The following DPY19L3 variants were observed in gnomAD, a reference collection of about 807,000 sequenced individuals.
DPY19L3 encodes dpy-19 like C-mannosyltransferase 3.
A neutral mutation model predicts 92.3 loss-of-function variants in DPY19L3; 51 were observed. The ratio of observed to expected loss-of-function variants is 0.55; its 90% CI spans 0.44 to 0.70. The LOEUF is 0.70. Ranked by LOEUF, DPY19L3 falls within the 30% of genes least tolerant of loss-of-function variation. The pLI is 0.00. For missense variants in DPY19L3, 706 were observed against 855.9 expected, an observed-to-expected ratio of 0.82 and a Z score of 2.18; for synonymous variants, 309 against 315.2, an observed-to-expected ratio of 0.98 and a Z score of 0.21.
At chr19:32,443,243 C>A (rs928268335) in intron 8 of DPY19L3, among the ~76,000 whole-genome samples, 1 of 152,166 alleles carries the variant, frequency 6.6e-6, no homozygotes, top group Non-Finnish European at 1.5e-5. Flanking sequence ...TTCTGCTGAC[C>A]CCCAGATGTC....
rs1286605953 is a variant in DPY19L3, at chr19:32,480,493, G to A, written c.1925G>A (p.Cys642Tyr). ...TACGTAATCCTGGAAGACAGCATCT[G>A]CTACGAGCGGAGGCACCGCCGGGGC... Reference protein sequence around the residue: ...TDYVILEDSICYERRHRRGCR... With the variant: ...TDYVILEDSIYYERRHRRGCR... Residue 642 changes from cysteine (C) to tyrosine (Y), a missense_variant, in exon 18 of 19, where the codon TGC becomes TAC. Transcript: ENST00000392250. 1 of 1,614,200 alleles carries A rather than the reference G, an allele frequency of 6.2e-7. No homozygotes were observed. The highest frequency in any genetic ancestry group is 1.3e-5 in the African/African-American group (1 of 75,066).
intron 10 of DPY19L3, among the ~76,000 whole-genome samples, chr19:32,457,350 C>A (rs561102046): frequency 6.6e-5 from 10 of 152,204 alleles, no homozygotes; most frequent in African/African-American, 2.4e-4. Flanking sequence ...CTTATAAACC[C>A]GTGAGTAACA....
In DPY19L3 at chr19:32,484,491, G is replaced by C. The variant is rs12972589; in HGVS notation, c.*2251G>C. 6.6e-6 allele frequency: 1 copy of C among 152,156 alleles called. No individual in the cohort carries two copies. The highest frequency in any genetic ancestry group is 2.4e-5 in the African/African-American group (1 of 41,424). 9.4% of individuals were successfully genotyped at this position (152,156 alleles called of 1,614,324 possible). A position where few individuals can be genotyped will look rare whatever the true frequency, so the allele number is the denominator to read the frequency against. ...AGACCTGGGTGGTGATAACCTCAAA[G>C]AATGGCTCTGTTTTCTATTGACAGA... is the stretch of plus-strand genomic sequence containing the variant. On this transcript the variant is annotated 3_prime_UTR_variant, in exon 19 of 19. Coordinates refer to ENST00000392250, the MANE Select transcript of DPY19L3 (RefSeq NM_001172774.2).
intron 15 of DPY19L3, chr19:32,467,740 A>G (rs1383629246): frequency 4.1e-6 from 4 of 985,762 alleles, no homozygotes; most frequent in Non-Finnish European, 4.8e-6. Flanking sequence ...AGTGAATTCT[A>G]CCTTTGACCT....
chr19:32,461,758 G>T (rs898225389), intron 12 of DPY19L3, among the ~76,000 whole-genome samples: 2 of 152,210 alleles, frequency 1.3e-5, no homozygotes, highest in African/African-American at 4.8e-5. Context: ...GAAGGGATCA[G>T]TAGACCTTCA....
At chr19:32,431,028 A>G (rs1968947612) in intron 3 of DPY19L3, among the ~76,000 whole-genome samples, 1 of 152,100 alleles carries the variant, frequency 6.6e-6, no homozygotes, top group South Asian at 2.1e-4. Flanking sequence ...AGAAAATGAG[A>G]TGTTCAGTAT....
rs200335194 is a variant in DPY19L3, at chr19:32,436,559, C to T, written c.442C>T (p.Pro148Ser). ...TCTCAGTATTTTATATAGAGTTCTA[C>T]CCATACAGGTATGTTTTGTGATATT... is the stretch of plus-strand genomic sequence containing the variant. The part of the protein sequence containing the change: ...VFLSILYRVL[P>S]IQKYLEPVYF... The change falls in exon 5 of 19, where the codon CCC (proline) becomes TCC (serine). Residue 148 changes from proline to serine, a missense_variant. By Grantham distance (74) the Pro-to-Ser change is moderately conservative. Coordinates refer to ENST00000392250, the MANE Select transcript of DPY19L3 (RefSeq NM_001172774.2). 2.0e-6 allele frequency: 3 copies of T among 1,528,738 alleles called. No individual in the cohort carries two copies. The highest frequency in any genetic ancestry group is 2.3e-5 in the East Asian group (1 of 42,682). 94.7% of individuals were successfully genotyped at this position (1,528,738 alleles called of 1,614,324 possible).
Position 32,408,360 on chromosome 19 carries a change from G to A in DPY19L3, c.103+4G>A, listed in dbSNP as rs369110605. ...TTGGAAAATAAATTGCCATCTGGTA[G>A]GTGATTTAAACTAAAGCAGCAATTT... On this transcript the variant is annotated splice_donor_region_variant and intron_variant, in intron 2 of 18. Transcript: ENST00000392250. 24 of 1,610,238 alleles carry A rather than the reference G, an allele frequency of 1.5e-5. No homozygotes were observed. The African/African-American group carries it at 2.5e-4, about 17-fold the overall frequency.
chr19:32,470,781 C>CTTTTTTTTTTTTTTTT lies in DPY19L3; in HGVS notation c.1697+1975_1697+1990dup, dbSNP rs71336911. 7.7e-5 allele frequency among the ~76,000 whole-genome samples: 7 copies of CTTTTTTTTTTTTTTTT among 91,214 alleles called. 1 individual carries two copies. The highest frequency in any genetic ancestry group is 4.2e-4 in the Admixed American group (3 of 7,114). 59.8% of individuals were successfully genotyped at this position (91,214 alleles called of 152,430 possible). ...TTTTGTAGTAGACATATTCCTTTGG[C>CTTTTTTTTTTTTTTTT]TTTTTTTTTTTTTTTTTTTTTTGTA... is the stretch of plus-strand genomic sequence containing the variant. On this transcript the variant is annotated intron_variant, in intron 16 of 18. Coordinates refer to ENST00000392250, the MANE Select transcript of DPY19L3 (RefSeq NM_001172774.2).
chr19:32,427,474 A>G (rs1392430542), intron 3 of DPY19L3, among the ~76,000 whole-genome samples: 2 of 152,092 alleles, frequency 1.3e-5, no homozygotes, highest in Admixed American at 1.3e-4. Context: ...TTCCACTGTT[A>G]TTCTTATTTA....
chr19:32,443,642 G>C (rs1442595682), intron 8 of DPY19L3, among the ~76,000 whole-genome samples: 1 of 152,152 alleles, frequency 6.6e-6, no homozygotes, highest in Non-Finnish European at 1.5e-5. Context: ...AAGCTACCCA[G>C]ATTACGGTAT....
rs760239820 is a variant in DPY19L3, at chr19:32,480,459, G to C, written c.1891G>C (p.Gly631Arg). 3.1e-6 allele frequency: 5 copies of C among 1,614,128 alleles called. No individual in the cohort carries two copies. The East Asian group carries it at 1.1e-4, about 36-fold the overall frequency. ...AGTGCATGCCCTCCTAAGGTCCTTCGGCACTGACTACGTAATCCTGGAAGA... is the reference window on the plus strand; with the variant it reads ...AGTGCATGCCCTCCTAAGGTCCTTCCGCACTGACTACGTAATCCTGGAAGA... ...EEVHALLRSF[G>R]TDYVILEDSI... The change falls in exon 18 of 19, where the codon GGC becomes CGC. Residue 631 changes from glycine to arginine, a missense_variant. Gly to Arg is a moderately radical substitution (Grantham distance 125). Transcript: ENST00000392250.
Position 32,446,719 on chromosome 19 carries a change from C to CA in DPY19L3, c.856-6421dup, listed in dbSNP as rs550884681. ...CAACAGTACTGCAACGTGTGTGGGGCAAAAACTGACAGAACTGAAAGGAGA... is the reference window on the plus strand; with the variant it reads ...CAACAGTACTGCAACGTGTGTGGGGCAAAAAACTGACAGAACTGAAAGGAGA... On this transcript the variant is annotated intron_variant, in intron 8 of 18. Transcript: ENST00000392250. 1.3e-3 allele frequency among the ~76,000 whole-genome samples: 198 copies of CA among 152,216 alleles called. 1 individual carries two copies. The highest frequency in any genetic ancestry group is 3.1e-3 in the Admixed American group (47 of 15,280).
At chr19:32,443,833 G>A (rs1969399683) in intron 8 of DPY19L3, among the ~76,000 whole-genome samples, 1 of 152,048 alleles carries the variant, frequency 6.6e-6, no homozygotes, top group Non-Finnish European at 1.5e-5. Flanking sequence ...GCCAAGGCAG[G>A]CAGATATTTG....
chr19:32,449,735 G>C (rs1263944460), intron 8 of DPY19L3, among the ~76,000 whole-genome samples: 2 of 152,168 alleles, frequency 1.3e-5, no homozygotes, highest in African/African-American at 4.8e-5. Flanking sequence ...GAATGAAGTT[G>C]AGCCCCTTCC....
rs147378007 is a variant in DPY19L3, at chr19:32,408,250, C to T, written c.-4C>T. 3.5e-5 allele frequency: 57 copies of T among 1,608,034 alleles called. No individual in the cohort carries two copies. Among genetic ancestry groups the T allele is most frequent in the Non-Finnish European group, 4.8e-5 (56 of 1,176,412 alleles). ...TGGAGAACAATGCATGTAAGTCTGA[C>T]ATCATGATGTCCATCCGGCAAAGAA... On this transcript the variant is annotated 5_prime_UTR_variant, in exon 2 of 19. Transcript: ENST00000392250.
intron 3 of DPY19L3, among the ~76,000 whole-genome samples, chr19:32,429,663 A>T (rs1276054080): frequency 6.6e-6 from 1 of 152,166 alleles, no homozygotes; most frequent in African/African-American, 2.4e-5. Context: ...TCACTCTTTC[A>T]TTCTTTATTG....
intron 10 of DPY19L3, among the ~76,000 whole-genome samples, chr19:32,455,612 G>C (rs1027192003): frequency 6.6e-6 from 1 of 151,772 alleles, no homozygotes; most frequent in Non-Finnish European, 1.5e-5. Context: ...AAGTAAAGTG[G>C]CCTTACTATC....
At chr19:32,464,584 C>A in intron 14 of DPY19L3, 144 bp from the exon 15 acceptor site, 1 of 473,326 alleles carries the variant, frequency 2.1e-6, no homozygotes, top group Non-Finnish European at 3.8e-6. Context: ...CTCCTATAAT[C>A]CTAGCTGCTC....
Sources: allele counts gnomAD v4.1 joint callset (sites outside exome capture counted in the v4.1 genomes callset), GRCh38; gene constraint gnomAD v4.1.1; transcripts MANE v1.5; gene names NCBI Gene and HGNC (gene_info 2026-07-23, HGNC 2026-07-21).